Variants in SPMIP7 observed in about 807,000 individuals in gnomAD.
SPMIP7 encodes the protein protein SPMIP7.
the SPMIP7 span, among the ~76,000 whole-genome samples, chr7:50,137,914 A>G: frequency 6.6e-6 from 1 of 152,128 alleles, no homozygotes; most frequent in Non-Finnish European, 1.5e-5. Context: ...TCTTGGTAAT[A>G]TGAATCAAAG....
At chr7:50,129,640 A>G in the SPMIP7 span, 1 of 1,028,722 alleles carries the variant, frequency 9.7e-7, no homozygotes, top group Non-Finnish European at 1.5e-6. Flanking sequence ...AATCCAAAAG[A>G]AAACATGATG....
At chr7:50,149,643 G>A in the SPMIP7 span, among the ~76,000 whole-genome samples, 1 of 152,166 alleles carries the variant, frequency 6.6e-6, no homozygotes, top group Non-Finnish European at 1.5e-5. Context: ...TTATTCTGCT[G>A]TTGCCATAGA....
the SPMIP7 span, among the ~76,000 whole-genome samples, chr7:50,148,463 G>A: frequency 6.6e-6 from 1 of 152,170 alleles, no homozygotes; most frequent in Non-Finnish European, 1.5e-5. Flanking sequence ...CTGCTCTGAT[G>A]GCAGGATATG....
the SPMIP7 span, among the ~76,000 whole-genome samples, chr7:50,112,266 A>G: frequency 6.6e-6 from 1 of 152,130 alleles, no homozygotes; most frequent in African/African-American, 2.4e-5. Flanking sequence ...AGAAGAAACA[A>G]TATACATATA....
chr7:50,133,661 G>A, the SPMIP7 span, among the ~76,000 whole-genome samples: 1 of 152,156 alleles, frequency 6.6e-6, no homozygotes, highest in South Asian at 2.1e-4. Flanking sequence ...GGTGTCAGAT[G>A]AGACTTGGTT....
the SPMIP7 span, among the ~76,000 whole-genome samples, chr7:50,144,571 C>G: frequency 1.3e-5 from 2 of 152,154 alleles, no homozygotes; most frequent in African/African-American, 2.4e-5. Context: ...TATGTTTGTA[C>G]ACTTATCCAT....
chr7:50,156,775 C>T, the SPMIP7 span, among the ~76,000 whole-genome samples: 1 of 152,106 alleles, frequency 6.6e-6, no homozygotes, highest in Non-Finnish European at 1.5e-5. Context: ...CTCCCTTCTG[C>T]CCCGCAGTGC....
At chr7:50,157,130 T>A in the SPMIP7 span, among the ~76,000 whole-genome samples, 5 of 152,196 alleles carry the variant, frequency 3.3e-5, no homozygotes, top group Admixed American at 3.3e-4. Context: ...TCGAGAAAAC[T>A]GCACTGGTGG....
chr7:50,097,395 G>A, the SPMIP7 span, among the ~76,000 whole-genome samples: 2 of 152,176 alleles, frequency 1.3e-5, no homozygotes, highest in African/African-American at 2.4e-5. Context: ...AAATGGCTTA[G>A]CAAAGCTAAC....
chr7:50,124,439 A>G, the SPMIP7 span, among the ~76,000 whole-genome samples: 6 of 152,304 alleles, frequency 3.9e-5, no homozygotes, highest in African/African-American at 1.4e-4. Flanking sequence ...TATTCTTTTC[A>G]AATGCACATG....
the SPMIP7 span, among the ~76,000 whole-genome samples, chr7:50,126,916 T>C: frequency 6.6e-6 from 1 of 151,822 alleles, no homozygotes; most frequent in East Asian, 1.9e-4. Flanking sequence ...AATACTAAAT[T>C]TATATGAAAA....
chr7:50,116,170 T>C, the SPMIP7 span, among the ~76,000 whole-genome samples: 1 of 152,192 alleles, frequency 6.6e-6, no homozygotes, highest in Non-Finnish European at 1.5e-5. Flanking sequence ...GGCTGGAGTG[T>C]AGTGGCGTGA....
the SPMIP7 span, among the ~76,000 whole-genome samples, chr7:50,107,961 T>C: frequency 1.3e-5 from 2 of 152,192 alleles, no homozygotes; most frequent in South Asian, 4.1e-4. Context: ...TTATGGTAAT[T>C]GCATTATTTG....
chr7:50,100,917 G>T, the SPMIP7 span, among the ~76,000 whole-genome samples: 1 of 151,850 alleles, frequency 6.6e-6, no homozygotes, highest in African/African-American at 2.4e-5. Flanking sequence ...CTGATCCTTT[G>T]TTTTGTGGCA....
At chr7:50,149,251 C>T in the SPMIP7 span, among the ~76,000 whole-genome samples, 3 of 151,980 alleles carry the variant, frequency 2.0e-5, no homozygotes, top group Non-Finnish European at 2.9e-5. Flanking sequence ...AGCATCTTTT[C>T]AGCTGTCTGT....
At chr7:50,134,452 A>G in the SPMIP7 span, among the ~76,000 whole-genome samples, 1 of 152,194 alleles carries the variant, frequency 6.6e-6, no homozygotes, top group Non-Finnish European at 1.5e-5. Context: ...TGATGACTGC[A>G]AATACTTTGA....
At chr7:50,131,153 G>T in the SPMIP7 span, among the ~76,000 whole-genome samples, 4 of 152,158 alleles carry the variant, frequency 2.6e-5, no homozygotes, top group Admixed American at 6.6e-5. Context: ...TTAGGACAGA[G>T]ATAATGGTAG....
chr7:50,109,996 G>A, the SPMIP7 span, among the ~76,000 whole-genome samples: 8 of 152,138 alleles, frequency 5.3e-5, no homozygotes, highest in East Asian at 1.9e-4. Flanking sequence ...AATAAATAAA[G>A]TAAGTTTTAC....
At chr7:50,101,002 T>C in the SPMIP7 span, among the ~76,000 whole-genome samples, 1 of 152,184 alleles carries the variant, frequency 6.6e-6, no homozygotes, top group Non-Finnish European at 1.5e-5. Context: ...CTTTTCATTT[T>C]TACTGGAAAA....
Sources: gnomAD v4.1 joint callset for allele counts (sites outside exome capture counted in the v4.1 genomes callset) on GRCh38, gnomAD v4.1.1 for gene constraint, MANE v1.5 for transcripts, NCBI Gene and HGNC (gene_info 2026-07-23, HGNC 2026-07-21) for gene names.